Variants in EYS observed in about 807,000 individuals in gnomAD.
The protein encoded by EYS is EGF-like photoreceptor maintenance factor.
A neutral mutation model predicts 282.1 loss-of-function variants in EYS; 250 were observed. That is an observed-to-expected ratio of 0.89 (90% CI 0.80 to 0.98). EYS has a LOEUF of 0.98. EYS is among the 50% of genes least tolerant of loss of function. The pLI is 0.00. For missense variants in EYS, 4,016 were observed against 3,709.0 expected, an observed-to-expected ratio of 1.08 and a Z score of -2.15; for synonymous variants, 1,355 against 1,282.9, an observed-to-expected ratio of 1.06 and a Z score of -1.20.
chr6:64,735,363 G>A (rs939157834), intron 22 of EYS, among the ~76,000 whole-genome samples: 2 of 152,266 alleles, frequency 1.3e-5, no homozygotes, highest in South Asian at 2.1e-4. Context: ...GATTACAGGC[G>A]TGAACCACCG....
In EYS at chr6:63,789,127, C is replaced by G. The variant is rs1396813587; in HGVS notation, c.7509G>C (p.Glu2503Asp). The G allele has an allele frequency of 6.4e-7, 1 of 1,551,588 alleles. No individual in the cohort carries two copies. Among genetic ancestry groups the G allele is most frequent in the Non-Finnish European group, 8.7e-7 (1 of 1,146,968 alleles). The change falls in exon 38 of 43, where the codon GAG (glutamate) becomes GAC (aspartate). Residue 2503 changes from glutamate to aspartate, a missense_variant. Transcript: ENST00000503581. ...LGSGIASIRS[E>D]PLNLSLGVHT... The stretch of plus-strand genomic sequence containing the variant: ...GGACTCCAAGGCTCAGATTGAGGGG[C>G]TCGCTCCTGATGCTTGCTATGCCAG...
chr6:63,837,504 T>C (rs944426868), intron 36 of EYS, among the ~76,000 whole-genome samples: 1 of 152,086 alleles, frequency 6.6e-6, no homozygotes, highest in Non-Finnish European at 1.5e-5. Context: ...TCATAAGTGA[T>C]TGCAATTTAA....
intron 40 of EYS, among the ~76,000 whole-genome samples, chr6:63,765,866 T>C (rs1038238221): frequency 6.6e-6 from 1 of 151,968 alleles, no homozygotes; most frequent in African/African-American, 2.4e-5. Context: ...TGTTTTGATT[T>C]TTAGAACCCA....
chr6:64,776,799 T>G (rs991301071), intron 22 of EYS, among the ~76,000 whole-genome samples: 1 of 152,068 alleles, frequency 6.6e-6, no homozygotes, highest in Admixed American at 6.6e-5. Flanking sequence ...TGCTGAAAAT[T>G]TTTCCTATGC....
chr6:64,811,145 C>G (rs1469860079), intron 22 of EYS, among the ~76,000 whole-genome samples: 1 of 152,008 alleles, frequency 6.6e-6, no homozygotes, highest in African/African-American at 2.4e-5. Context: ...AGTAAACTAT[C>G]TAAGGACTGT....
At chr6:63,846,800 A>C (rs1297466287) in intron 36 of EYS, among the ~76,000 whole-genome samples, 1 of 152,252 alleles carries the variant, frequency 6.6e-6, no homozygotes, top group African/African-American at 2.4e-5. Flanking sequence ...TATTAGAACA[A>C]GAGAACTACA....
chr6:64,625,052 T>G (rs1467362877), intron 23 of EYS, among the ~76,000 whole-genome samples: 2 of 152,130 alleles, frequency 1.3e-5, no homozygotes, highest in Admixed American at 6.6e-5. Flanking sequence ...TTTTTTTAAG[T>G]GACCAGAAAT....
At chr6:64,425,875 G>C (rs930854073) in intron 28 of EYS, among the ~76,000 whole-genome samples, 31 of 151,870 alleles carry the variant, frequency 2.0e-4, no homozygotes, top group Admixed American at 1.5e-3. Context: ...TGTGTGAATG[G>C]GGAAGGAAGG....
rs182726909 is a variant in EYS at position 64,229,035 on chromosome 6, G to A, written c.6424+1557C>T. On this transcript the variant is annotated intron_variant, in intron 31 of 42. Transcript: ENST00000503581. ...CATCTGTAATCCCAACACTTTGGGA[G>A]GCTGAGGCGGGTGGATCACCTAAGG... Among the ~76,000 whole-genome samples, 29 of 152,258 alleles carry A rather than the reference G, an allele frequency of 1.9e-4. No homozygotes were observed. In the East Asian group the frequency reaches 5.4e-3, roughly 28 times the overall value.
In EYS at chr6:63,725,261, A is replaced by G. The variant is rs1045285197; in HGVS notation, c.8233+1258T>C. On this transcript the variant is annotated intron_variant, in intron 42 of 42. Transcript: ENST00000503581. ...ACTACATGCATTGAATAACAGATGT[A>G]AGAAGATGTGCTCTTGCCCTCCTAT... Among the ~76,000 whole-genome samples, 16 of 150,986 alleles carry G rather than the reference A, an allele frequency of 1.1e-4. 1 individual carries two copies. The highest frequency in any genetic ancestry group is 2.9e-4 in the African/African-American group (12 of 41,390).
At chr6:65,236,234 G>T (rs1766919388) in intron 12 of EYS, among the ~76,000 whole-genome samples, 1 of 152,036 alleles carries the variant, frequency 6.6e-6, no homozygotes, top group Non-Finnish European at 1.5e-5. Flanking sequence ...CAGGCATTAG[G>T]TCATATTCTA....
chr6:65,152,391 A>G (rs1764634240), intron 12 of EYS, among the ~76,000 whole-genome samples: 1 of 151,926 alleles, frequency 6.6e-6, no homozygotes, highest in Admixed American at 6.6e-5. Context: ...ATAGGACTTT[A>G]AAGAGGTGAT....
At chr6:64,411,740 T>C (rs1773897505) in intron 28 of EYS, among the ~76,000 whole-genome samples, 1 of 151,940 alleles carries the variant, frequency 6.6e-6, no homozygotes, top group African/African-American at 2.4e-5. Flanking sequence ...CCTAGCTATT[T>C]AAGAGGCTGA....
chr6:63,736,838 T>C (rs1244085949), intron 41 of EYS, among the ~76,000 whole-genome samples: 4 of 152,004 alleles, frequency 2.6e-5, no homozygotes, highest in African/African-American at 7.2e-5. Context: ...TATTTTATTC[T>C]CTTTGAAGCA....
intron 22 of EYS, among the ~76,000 whole-genome samples, chr6:64,659,457 T>G (rs1768904722): frequency 6.6e-6 from 1 of 151,856 alleles, no homozygotes; most frequent in Admixed American, 6.6e-5. Context: ...GCTGGTTTTT[T>G]GAAAAGATCA....
intron 33 of EYS, among the ~76,000 whole-genome samples, chr6:64,012,064 T>G (rs1036733659): frequency 6.7e-6 from 1 of 148,276 alleles, no homozygotes; most frequent in African/African-American, 2.6e-5. Flanking sequence ...CCTCCTTTCC[T>G]TTCTTTCCTT....
chr6:65,228,723 A>G (rs2150265771), intron 12 of EYS, among the ~76,000 whole-genome samples: 1 of 152,206 alleles, frequency 6.6e-6, no homozygotes, highest in Middle Eastern at 3.4e-3. Context: ...AAAAAATAGT[A>G]ATACAATTGG....
intron 22 of EYS, among the ~76,000 whole-genome samples, chr6:64,703,650 A>G (rs1367150542): frequency 6.6e-6 from 1 of 151,564 alleles, no homozygotes; most frequent in Non-Finnish European, 1.5e-5. Context: ...TTGGTTCATT[A>G]CAACATTCAT....
At chr6:65,265,667 A>T (rs1229373546) in intron 12 of EYS, among the ~76,000 whole-genome samples, 1 of 152,002 alleles carries the variant, frequency 6.6e-6, no homozygotes, top group Non-Finnish European at 1.5e-5. Flanking sequence ...TAAATGATAT[A>T]GAACTACTCA....
Sources: gnomAD v4.1 joint callset for allele counts (sites outside exome capture counted in the v4.1 genomes callset) on GRCh38, gnomAD v4.1.1 for gene constraint, MANE v1.5 for transcripts, NCBI Gene and HGNC (gene_info 2026-07-23, HGNC 2026-07-21) for gene names.